Variants in NELL1 observed in about 807,000 individuals in gnomAD.
NELL1 encodes protein kinase C-binding protein NELL1.
NELL1 carries 76 observed loss-of-function variants against 107.4 expected under a neutral mutation model. The ratio of observed to expected loss-of-function variants is 0.71; its 90% confidence interval spans 0.59 to 0.86. NELL1 has a LOEUF of 0.86. Among genes scored for constraint, NELL1 ranks in the 40% least tolerant of loss-of-function variants. The probability of loss-of-function intolerance (pLI) is 0.00; values close to 1 mark genes in which losing one functional copy is unlikely to be tolerated. For missense variants in NELL1, 1,024 were observed against 1,005.5 expected, an observed-to-expected ratio of 1.02 and a Z score of -0.25; for synonymous variants, 353 against 341.2, an observed-to-expected ratio of 1.03 and a Z score of -0.38.
chr11:21,152,161 A>T (rs1023984744), intron 13 of NELL1, among the ~76,000 whole-genome samples: 2 of 152,156 alleles, frequency 1.3e-5, no homozygotes, highest in Non-Finnish European at 2.9e-5. Context: ...CCAGCAATGG[A>T]ATGCAGGGGG....
rs114199626 is a variant in NELL1, at chr11:21,385,467, C to T, written c.1645+14519C>T. ...TGGATCATATGTAGCCAGAGTTATCCTTGATGTCTCCTTCTCCCTCACTTT... is the reference window on the plus strand; with the variant it reads ...TGGATCATATGTAGCCAGAGTTATCTTTGATGTCTCCTTCTCCCTCACTTT... On this transcript the variant is annotated intron_variant, in intron 15 of 19. Coordinates refer to ENST00000357134, the MANE Select transcript of NELL1 (RefSeq NM_006157.5). Among the ~76,000 whole-genome samples the T allele has an allele frequency of 4.8e-3, 734 of 151,900 alleles. 4 individuals are homozygous for T. The highest frequency in any genetic ancestry group is 0.013 in the African/African-American group (547 of 41,486).
chr11:20,712,468 A>G (rs566134120), intron 2 of NELL1, among the ~76,000 whole-genome samples: 1 of 152,266 alleles, frequency 6.6e-6, no homozygotes, highest in Non-Finnish European at 1.5e-5. Context: ...AACCTTCTGA[A>G]TTTATCTGAC....
At chr11:21,554,134 CTGTATTGATTTTAAGCAGATT>C (rs1286023877) in intron 16 of NELL1, among the ~76,000 whole-genome samples, 2 of 151,858 alleles carry the variant, frequency 1.3e-5, no homozygotes, top group Admixed American at 6.6e-5. Context: ...CTGGTCAGAA[CTGTATTGATTTTAAGCAGATT>C]TAATCACTGG....
At chr11:20,864,894 C>T (rs1849065378) in intron 4 of NELL1, among the ~76,000 whole-genome samples, 1 of 152,198 alleles carries the variant, frequency 6.6e-6, no homozygotes, top group Non-Finnish European at 1.5e-5. Flanking sequence ...TCAGAGCTTC[C>T]TGGCTGCTCC....
At chr11:21,151,103 A>G (rs1303984226) in intron 13 of NELL1, among the ~76,000 whole-genome samples, 3 of 152,148 alleles carry the variant, frequency 2.0e-5, no homozygotes, top group Non-Finnish European at 4.4e-5. Context: ...ACTGAAGATC[A>G]TAATTTGATG....
intron 15 of NELL1, among the ~76,000 whole-genome samples, chr11:21,527,159 G>A (rs563171719): frequency 6.6e-5 from 10 of 152,126 alleles, no homozygotes; most frequent in Admixed American, 2.6e-4. Context: ...TAGGGCAGGG[G>A]CAAAAATGCT....
At chr11:21,443,094 C>G (rs1455390066) in intron 15 of NELL1, among the ~76,000 whole-genome samples, 3 of 151,844 alleles carry the variant, frequency 2.0e-5, no homozygotes, top group African/African-American at 7.3e-5. Flanking sequence ...AGTCCAAGAT[C>G]CAAGATTGAC....
intron 2 of NELL1, among the ~76,000 whole-genome samples, chr11:20,766,047 G>A (rs964608555): frequency 2.6e-5 from 4 of 152,208 alleles, no homozygotes; most frequent in East Asian, 1.9e-4. Flanking sequence ...AGTGGCATAC[G>A]TAATCAGTTG....
Position 21,199,026 on chromosome 11 carries a change from A to G in NELL1, c.1427-30306A>G, listed in dbSNP as rs538944384. Among the ~76,000 whole-genome samples, 11 of 152,256 alleles carry G rather than the reference A, an allele frequency of 7.2e-5. No individual in the cohort carries two copies. In the East Asian group the frequency reaches 1.7e-3, roughly 24 times the overall value. ...TCTTCACCATTGTATTTCTTGTACT[A>G]GTACATGGTTAAAGTCAGTTTTGTA... is the stretch of plus-strand genomic sequence containing the variant. On this transcript the variant is annotated intron_variant, in intron 13 of 19. Transcript: ENST00000357134.
At chr11:20,828,917 G>T (rs1158907045) in intron 3 of NELL1, among the ~76,000 whole-genome samples, 2 of 152,060 alleles carry the variant, frequency 1.3e-5, no homozygotes, top group Admixed American at 1.3e-4. Context: ...AGATTTTATT[G>T]GGAAAAAACT....
At chr11:21,007,743 A>G (rs934198815) in intron 12 of NELL1, among the ~76,000 whole-genome samples, 5 of 152,010 alleles carry the variant, frequency 3.3e-5, no homozygotes, top group African/African-American at 9.7e-5. Context: ...ATTTTAACAC[A>G]TCCTTCCATT....
chr11:21,572,486 T>TATAA (rs1213658954), intron 18 of NELL1, among the ~76,000 whole-genome samples: 16,099 of 151,658 alleles, frequency 0.11, 2,790 homozygotes, highest in African/African-American at 0.37. Context: ...TGCCATATAT[T>TATAA]GTAAGGTATT....
intron 5 of NELL1, among the ~76,000 whole-genome samples, chr11:20,888,851 C>T (rs1184108401): frequency 6.6e-6 from 1 of 152,162 alleles, no homozygotes; most frequent in East Asian, 1.9e-4. Flanking sequence ...ACTCTTGTTC[C>T]TCAGTTGTCC....
At chr11:20,699,683 G>A (rs1854721478) in intron 2 of NELL1, among the ~76,000 whole-genome samples, 1 of 152,180 alleles carries the variant, frequency 6.6e-6, no homozygotes, top group African/African-American at 2.4e-5. Context: ...CTACTCATTG[G>A]TAGATGGGCA....
At chr11:20,841,496 G>T (rs1848622082) in intron 3 of NELL1, among the ~76,000 whole-genome samples, 1 of 152,100 alleles carries the variant, frequency 6.6e-6, no homozygotes, top group Admixed American at 6.5e-5. Context: ...TAAGGAGTCA[G>T]GAGCCTGAAT....
chr11:20,752,024 T>C (rs1856152375), intron 2 of NELL1, among the ~76,000 whole-genome samples: 1 of 152,208 alleles, frequency 6.6e-6, no homozygotes, highest in African/African-American at 2.4e-5. Context: ...CTGTAAACAA[T>C]AGCAGTCTTA....
At chr11:21,033,749 A>T (rs1472263392) in intron 12 of NELL1, among the ~76,000 whole-genome samples, 1 of 152,156 alleles carries the variant, frequency 6.6e-6, no homozygotes, top group Non-Finnish European at 1.5e-5. Flanking sequence ...TCCTTTGGGT[A>T]TATACCCAGT....
chr11:21,321,744 C>T (rs1174197736), intron 14 of NELL1, among the ~76,000 whole-genome samples: 5 of 152,288 alleles, frequency 3.3e-5, no homozygotes, highest in African/African-American at 1.2e-4. Context: ...AGAACCAGGA[C>T]TCCTTTTCTT....
intron 18 of NELL1, among the ~76,000 whole-genome samples, chr11:21,572,249 G>A (rs1184923573): frequency 2.0e-5 from 3 of 151,784 alleles, no homozygotes; most frequent in Non-Finnish European, 4.4e-5. Flanking sequence ...TTTCAAAAGT[G>A]TATCCTCTTC....
Sources: allele counts gnomAD v4.1 joint callset (sites outside exome capture counted in the v4.1 genomes callset), GRCh38; gene constraint gnomAD v4.1.1; transcripts MANE v1.5; gene names NCBI Gene and HGNC (gene_info 2026-07-23, HGNC 2026-07-21).